The following CLCN5 variants were observed in gnomAD, a reference collection of about 807,000 sequenced individuals.
The protein encoded by CLCN5 is H(+)/Cl(-) exchange transporter 5.
A neutral mutation model predicts 54.0 loss-of-function variants in CLCN5; 17 were observed. The ratio of observed to expected loss-of-function variants is 0.31; its 90% CI spans 0.22 to 0.47. The LOEUF (loss-of-function observed/expected upper bound fraction) is 0.47. CLCN5 is among the 20% of genes least tolerant of loss of function. CLCN5 has a pLI of 1.00. For synonymous variants in CLCN5, 222 were observed against 233.0 expected, an observed-to-expected ratio of 0.95 and a Z score of 0.43; for missense variants, 448 against 646.7, an observed-to-expected ratio of 0.69 and a Z score of 3.33.
chrX:49,934,636 C>G (rs372337705), intron 3 of CLCN5, among the ~76,000 whole-genome samples: 1 of 111,588 alleles, frequency 9.0e-6, no homozygotes, highest in Admixed American at 9.6e-5. Context: ...TGACTACATC[C>G]AGGAGGAACA....
chrX:49,931,288 TTTTAA>T (rs1247445013), intron 3 of CLCN5, among the ~76,000 whole-genome samples: 1 of 111,660 alleles, frequency 9.0e-6, no homozygotes, highest in Non-Finnish European at 1.9e-5. Flanking sequence ...TATGATCCCA[TTTTAA>T]TTTATGTGTT....
intron 4 of CLCN5, among the ~76,000 whole-genome samples, chrX:50,054,895 T>C (rs1557188743): frequency 8.9e-6 from 1 of 111,963 alleles, no homozygotes; most frequent in Admixed American, 9.5e-5. Flanking sequence ...TCGGCTCCAC[T>C]TTGTTCCAAT....
At chrX:50,047,656 A>G (rs782461674) in intron 4 of CLCN5, among the ~76,000 whole-genome samples, 1 of 111,180 alleles carries the variant, frequency 9.0e-6, no homozygotes, top group Non-Finnish European at 1.9e-5. Context: ...CATATTCTTC[A>G]TGTCTCTAAG....
At chrX:50,090,011 T>C (rs1934032505) in intron 12 of CLCN5, 105 bp from the exon 13 acceptor site, 1 of 826,040 alleles carries the variant, frequency 1.2e-6, no homozygotes, top group African/African-American at 2.0e-5. Flanking sequence ...CAGTTGTAGG[T>C]GAGACCTCAT....
chrX:49,987,216 T>C (rs981669958), intron 3 of CLCN5, among the ~76,000 whole-genome samples: 4 of 112,409 alleles, frequency 3.6e-5, no homozygotes, highest in African/African-American at 1.3e-4. Flanking sequence ...CCAAAGTCCA[T>C]TGACATCACC....
At chrX:49,947,924 A>G (rs995326395) in intron 3 of CLCN5, among the ~76,000 whole-genome samples, 1 of 109,767 alleles carries the variant, frequency 9.1e-6, no homozygotes, top group Non-Finnish European at 1.9e-5. Flanking sequence ...TTATTTCTCT[A>G]CCTTTTCCCG....
intron 2 of CLCN5, among the ~76,000 whole-genome samples, chrX:49,924,456 C>G (rs782160157): frequency 6.6e-4 from 74 of 112,296 alleles, no homozygotes; most frequent in African/African-American, 2.2e-3. Context: ...CACCCGGCCC[C>G]TAACTCCTTT....
At chrX:49,945,866 C>T (rs1335314630) in intron 3 of CLCN5, among the ~76,000 whole-genome samples, 2 of 109,286 alleles carry the variant, frequency 1.8e-5, no homozygotes, top group Admixed American at 2.0e-4. Flanking sequence ...AAGCAATTCT[C>T]CTGCCTCAGC....
intron 4 of CLCN5, among the ~76,000 whole-genome samples, chrX:50,065,425 T>C (rs1279186771): frequency 4.6e-4 from 35 of 75,337 alleles, no homozygotes; most frequent in Non-Finnish European, 6.3e-4. Flanking sequence ...TCATCATCAC[T>C]GGCCATCAGA....
chrX:50,065,434 G>A (rs1207532273), intron 4 of CLCN5, among the ~76,000 whole-genome samples: 3 of 84,557 alleles, frequency 3.5e-5, no homozygotes, highest in Non-Finnish European at 6.7e-5. Context: ...CTGGCCATCA[G>A]AGAAATGCAA....
chrX:50,008,951 G>A (rs1557182030), intron 3 of CLCN5: 1 of 380,480 alleles, frequency 2.6e-6, no homozygotes, highest in African/African-American at 2.6e-5. Flanking sequence ...GAGCCTTCTT[G>A]TCTGCTCCCC....
At chrX:49,964,630 C>T (rs1179316590) in intron 3 of CLCN5, among the ~76,000 whole-genome samples, 9 of 111,476 alleles carry the variant, frequency 8.1e-5, no homozygotes, top group African/African-American at 2.3e-4. Flanking sequence ...TTATCATGCC[C>T]TCTGAAGTCT....
chrX:49,973,456 T>C (rs1928328340), intron 3 of CLCN5, among the ~76,000 whole-genome samples: 1 of 109,508 alleles, frequency 9.1e-6, no homozygotes, highest in Non-Finnish European at 1.9e-5. Flanking sequence ...GTTGGTGTGC[T>C]GCACCCATTA....
intron 3 of CLCN5, among the ~76,000 whole-genome samples, chrX:49,955,915 A>T (rs1225383229): frequency 8.9e-6 from 1 of 111,871 alleles, no homozygotes; most frequent in Non-Finnish European, 1.9e-5. Context: ...GGTTATGATG[A>T]GACTGATCTT....
At chrX:49,990,909 A>G (rs1929225951) in intron 3 of CLCN5, among the ~76,000 whole-genome samples, 1 of 112,539 alleles carries the variant, frequency 8.9e-6, no homozygotes, top group Admixed American at 9.4e-5. Context: ...GCTGAGTAAT[A>G]TTCCATGGCA....
chrX:49,936,625 A>G (rs1926000731), intron 3 of CLCN5, among the ~76,000 whole-genome samples: 1 of 112,330 alleles, frequency 8.9e-6, no homozygotes, highest in Non-Finnish European at 1.9e-5. Flanking sequence ...TCTGTTCCCT[A>G]TTTAAACTGC....
chrX:50,090,819 C>G lies in CLCN5; in HGVS notation c.2293C>G (p.Pro765Ala), dbSNP rs782267039. The G allele has an allele frequency of 1.7e-6, 2 of 1,211,407 alleles. No individual in the cohort carries two copies. Among genetic ancestry groups the G allele is most frequent in the South Asian group, 1.8e-5 (1 of 56,962 alleles). ...LSPFTVTDLT[P>A]MEIVVDIFRK... ...CCCCTTCACTGTGACTGACCTTACA[C>G]CCATGGAGATCGTAGTGGATATTTT... The change falls in exon 14 of 15, where the codon CCC becomes GCC. Residue 765 changes from proline to alanine, a missense_variant. Physicochemically the swap from Pro to Ala is conservative, Grantham distance 27 (BLOSUM62 -1). This residue lies in a region of CLCN5 where 297 missense variants were observed against 470.4 expected (regional missense o/e 0.63). Transcript: ENST00000376091.
intron 9 of CLCN5, among the ~76,000 whole-genome samples, chrX:50,083,524 A>G (rs1933780784): frequency 8.9e-6 from 1 of 112,066 alleles, no homozygotes; most frequent in South Asian, 3.7e-4. Context: ...TAGATCAAAT[A>G]ACAGTTATTA....
chrX:50,079,070 G>A (rs1016447206), intron 7 of CLCN5, among the ~76,000 whole-genome samples: 22 of 111,497 alleles, frequency 2.0e-4, no homozygotes, highest in Non-Finnish European at 4.0e-4. Flanking sequence ...TGATCCGCCC[G>A]CCTCGGCCTC....
Sources: gnomAD v4.1 joint callset for allele counts (sites outside exome capture counted in the v4.1 genomes callset) on GRCh38, gnomAD v4.1.1 for gene constraint, gnomAD v4.1.1 regional missense constraint, MANE v1.5 for transcripts, NCBI Gene and HGNC (gene_info 2026-07-23, HGNC 2026-07-21) for gene names.